ST18: variants seen among roughly 807,000 people sequenced by gnomAD.
ST18 encodes the protein ST18 C2H2C-type zinc finger transcription factor, also known as suppression of tumorigenicity 18 protein.
In ST18, 50 loss-of-function variants were observed where a neutral mutation model predicts 110.0. The observed-to-expected ratio is 0.45, with a 90% confidence interval of 0.36 to 0.58. The LOEUF is 0.58. ST18 is among the 20% of genes least tolerant of loss of function. The pLI is 0.00. For missense variants in ST18, 1,306 were observed against 1,280.1 expected, an observed-to-expected ratio of 1.02 and a Z score of -0.31; for synonymous variants, 461 against 452.4, an observed-to-expected ratio of 1.02 and a Z score of -0.24.
chr8:52,113,425 C>T (rs2041163429), intron 25 of ST18, 87 bp from the exon 26 acceptor site: 1 of 1,535,114 alleles, frequency 6.5e-7, no homozygotes, highest in South Asian at 1.2e-5. Context: ...GATCAGTGAT[C>T]CGGGAGTCGG....
chr8:52,276,154 G>A (rs111205558), intron 2 of ST18, among the ~76,000 whole-genome samples: 832 of 13,406 alleles, frequency 0.062, 15 homozygotes, highest in African/African-American at 0.13. Context: ...TGCACACCAC[G>A]CACCACACAT....
At chr8:52,315,303 G>T (rs2139799676) in intron 2 of ST18, among the ~76,000 whole-genome samples, 1 of 152,252 alleles carries the variant, frequency 6.6e-6, no homozygotes, top group East Asian at 1.9e-4. Flanking sequence ...AGGCTTCATT[G>T]TAAAGAATGC....
intron 2 of ST18, among the ~76,000 whole-genome samples, chr8:52,260,227 G>A (rs73681233): frequency 0.039 from 5,875 of 152,138 alleles, 399 homozygotes; most frequent in African/African-American, 0.13. Flanking sequence ...TTCTATACCT[G>A]TATGTATCTC....
intron 2 of ST18, among the ~76,000 whole-genome samples, chr8:52,397,644 C>T (rs1018819002): frequency 3.3e-5 from 5 of 152,016 alleles, no homozygotes; most frequent in Non-Finnish European, 5.9e-5. Context: ...GTATAAAAGT[C>T]CAGTTTTATT....
rs559755270 is a variant in ST18 at position 52,218,477 on chromosome 8, T to G, written c.-156-576A>C. ...GGCTCACTGCAACCTCACCTCTGCCTCCCGGGTTCAAGCGGTTCTCCTGCC... is the reference window on the plus strand; with the variant it reads ...GGCTCACTGCAACCTCACCTCTGCCGCCCGGGTTCAAGCGGTTCTCCTGCC... On this transcript the variant is annotated intron_variant, in intron 5 of 25. Transcript: ENST00000689386. Among the ~76,000 whole-genome samples the G allele has an allele frequency of 1.1e-3, 169 of 150,378 alleles. 2 individuals carry two copies. The highest frequency in any genetic ancestry group is 1.9e-3 in the Admixed American group (29 of 15,030).
chr8:52,293,700 G>T (rs1241542628), intron 2 of ST18, among the ~76,000 whole-genome samples: 1 of 151,990 alleles, frequency 6.6e-6, no homozygotes, highest in Non-Finnish European at 1.5e-5. Flanking sequence ...ATTTGATTGA[G>T]CTTGTTGGAG....
At chr8:52,288,397 T>A (rs1056042080) in intron 2 of ST18, among the ~76,000 whole-genome samples, 5 of 152,178 alleles carry the variant, frequency 3.3e-5, no homozygotes, top group Non-Finnish European at 7.3e-5. Context: ...TCATTCAGTA[T>A]TGCCTATTAA....
intron 2 of ST18, among the ~76,000 whole-genome samples, chr8:52,297,773 C>T (rs564646020): frequency 6.6e-6 from 1 of 152,038 alleles, no homozygotes; most frequent in African/African-American, 2.4e-5. Flanking sequence ...GAATGGGAAA[C>T]GACAAGTCAC....
At chr8:52,357,320 G>A (rs1035773546) in intron 2 of ST18, among the ~76,000 whole-genome samples, 52 of 152,012 alleles carry the variant, frequency 3.4e-4, no homozygotes, top group Admixed American at 5.9e-4. Context: ...GAAGTAAGTC[G>A]TTTCTTACCA....
chr8:52,401,554 G>C (rs189485555), intron 2 of ST18, among the ~76,000 whole-genome samples: 42 of 151,588 alleles, frequency 2.8e-4, no homozygotes, highest in African/African-American at 9.4e-4. Context: ...TTCTTTTCAA[G>C]TTCAGAGATT....
chr8:52,226,606 T>A lies in ST18; in HGVS notation c.-419+3426A>T, dbSNP rs75644131. On this transcript the variant is annotated intron_variant, in intron 3 of 25. Transcript: ENST00000689386. The stretch of plus-strand genomic sequence containing the variant: ...CTTTTCTCTAAAGCCCCTTCCTGGC[T>A]TCGAAAGAAATAAAAGTTATTCTCA... 1.2e-4 allele frequency among the ~76,000 whole-genome samples: 18 copies of A among 152,324 alleles called. No homozygotes were observed. In the East Asian group the frequency reaches 3.5e-3, roughly 29 times the overall value.
chr8:52,145,104 T>C (rs1334330003), intron 16 of ST18, among the ~76,000 whole-genome samples: 1 of 152,016 alleles, frequency 6.6e-6, no homozygotes, highest in Non-Finnish European at 1.5e-5. Flanking sequence ...AGAGCCATTT[T>C]ATTATTTATG....
chr8:52,379,102 CT>C (rs35639924), intron 2 of ST18, among the ~76,000 whole-genome samples: 22,700 of 145,390 alleles, frequency 0.16, 2,617 homozygotes, highest in African/African-American at 0.35. Flanking sequence ...TCTTTTCTTT[CT>C]TTTTTTTTTT....
At chr8:52,158,700 G>T (rs1439883417) in intron 15 of ST18, among the ~76,000 whole-genome samples, 198 bp downstream of exon 15, 1 of 152,206 alleles carries the variant, frequency 6.6e-6, no homozygotes, top group Non-Finnish European at 1.5e-5. Flanking sequence ...AGAGCAGGAT[G>T]TGCACACTTT....
intron 2 of ST18, among the ~76,000 whole-genome samples, chr8:52,263,845 C>T (rs1224536158): frequency 7.5e-6 from 1 of 134,168 alleles, no homozygotes; most frequent in East Asian, 2.1e-4. Flanking sequence ...CTCCTGGATT[C>T]AAGCTATTCT....
chr8:52,279,578 C>A (rs1292098299), intron 2 of ST18, among the ~76,000 whole-genome samples: 1 of 152,014 alleles, frequency 6.6e-6, no homozygotes. Flanking sequence ...AAAATCTAAA[C>A]CTGCATACAA....
intron 8 of ST18, among the ~76,000 whole-genome samples, chr8:52,191,487 G>T (rs1032871044): frequency 3.3e-5 from 5 of 152,166 alleles, no homozygotes; most frequent in African/African-American, 1.2e-4. Flanking sequence ...AGCCATATGA[G>T]CAGGCAGCCC....
intron 2 of ST18, among the ~76,000 whole-genome samples, chr8:52,367,033 G>A (rs1472234515): frequency 6.6e-6 from 1 of 152,154 alleles, no homozygotes; most frequent in Non-Finnish European, 1.5e-5. Flanking sequence ...AGGAGTTTGA[G>A]ACTAGCCTGA....
intron 8 of ST18, among the ~76,000 whole-genome samples, chr8:52,196,532 T>C (rs1419994581): frequency 1.3e-5 from 2 of 152,174 alleles, no homozygotes; most frequent in African/African-American, 4.8e-5. Flanking sequence ...ATGGTTTCAG[T>C]TGACTGTAGT....
Sources: allele counts gnomAD v4.1 joint callset (sites outside exome capture counted in the v4.1 genomes callset), GRCh38; gene constraint gnomAD v4.1.1; transcripts MANE v1.5; gene names NCBI Gene and HGNC (gene_info 2026-07-23, HGNC 2026-07-21).